The following CHL1 variants were observed in gnomAD, a reference collection of about 807,000 sequenced individuals.
The protein encoded by CHL1 is cell adhesion molecule L1 like.
CHL1 carries 96 observed loss-of-function variants against 141.9 expected under a neutral mutation model. The observed-to-expected ratio is 0.68, with a 90% confidence interval of 0.57 to 0.80. The LOEUF (loss-of-function observed/expected upper bound fraction) is 0.80, where lower values mean the gene tolerates loss of function less well. Ranked by LOEUF, CHL1 falls within the 30% of genes least tolerant of loss-of-function variation. The pLI is 0.00. For synonymous variants in CHL1, 613 were observed against 502.2 expected, an observed-to-expected ratio of 1.22 and a Z score of -2.95; for missense variants, 1,820 against 1,457.2, an observed-to-expected ratio of 1.25 and a Z score of -4.05.
At chr3:270,847 T>C (rs1173943593) in intron 2 of CHL1, among the ~76,000 whole-genome samples, 1 of 152,220 alleles carries the variant, frequency 6.6e-6, no homozygotes, top group Admixed American at 6.5e-5. Flanking sequence ...GCTGGAGCTG[T>C]GGACTTGAGG....
intron 2 of CHL1, among the ~76,000 whole-genome samples, chr3:274,686 T>C (rs1383470798): frequency 6.6e-6 from 1 of 152,206 alleles, no homozygotes; most frequent in Non-Finnish European, 1.5e-5. Context: ...AACAGGATAA[T>C]TTTTACCATT....
At chr3:351,744 T>C (rs1171950669) in intron 10 of CHL1, among the ~76,000 whole-genome samples, 28 of 152,132 alleles carry the variant, frequency 1.8e-4, no homozygotes, top group Admixed American at 1.8e-3. Flanking sequence ...CCAAACATAA[T>C]ATAATCAAAT....
intron 2 of CHL1, chr3:309,392 C>CTTCCTTCCTTCCTTCCTTCCTTCCT (rs142838718): frequency 4.5e-5 from 6 of 134,054 alleles, no homozygotes; most frequent in African/African-American, 2.0e-4. Flanking sequence ...TCCTTCCTTC[C>CTTCCTTCCTTCCTTCCTTCCTTCCT]TCCTTCCTTC....
At chr3:361,308 T>A (rs930752519) in intron 12 of CHL1, among the ~76,000 whole-genome samples, 1 of 144,962 alleles carries the variant, frequency 6.9e-6, no homozygotes, top group East Asian at 2.0e-4. Flanking sequence ...GACATAGGCA[T>A]GGGCAAGGAC....
chr3:197,105 C>G (rs1016800299), intron 1 of CHL1, 42 bp downstream of exon 1: 1 of 150,804 alleles, frequency 6.6e-6, no homozygotes, highest in Non-Finnish European at 1.5e-5. Context: ...CTCGTGCCGG[C>G]GCTGGGGGGG....
At chr3:302,295 G>A (rs1443843588) in intron 2 of CHL1, among the ~76,000 whole-genome samples, 1 of 152,198 alleles carries the variant, frequency 6.6e-6, no homozygotes, top group African/African-American at 2.4e-5. Flanking sequence ...GGTATTTCTA[G>A]TTCTGCATCC....
intron 2 of CHL1, among the ~76,000 whole-genome samples, chr3:297,085 G>C (rs896136958): frequency 6.6e-6 from 1 of 152,100 alleles, no homozygotes; most frequent in Non-Finnish European, 1.5e-5. Context: ...AGATAGCCAG[G>C]CATGGTGGTG....
chr3:354,844 T>G, intron 11 of CHL1, 73 bp downstream of exon 11: 1 of 1,560,386 alleles, frequency 6.4e-7, no homozygotes, highest in Non-Finnish European at 8.7e-7. Flanking sequence ...GTCAGACGTG[T>G]GTAAAATGAA....
Position 283,928 on chromosome 3 carries a change from T to C in CHL1, c.-94-35755T>C, listed in dbSNP as rs188908676. Reference sequence around the variant, plus strand: ...TAAAATAAATGTTAACAATGACTAATAGTAGGGAATTTATCAGATGAATGA... The same window carrying C: ...TAAAATAAATGTTAACAATGACTAACAGTAGGGAATTTATCAGATGAATGA... On this transcript the variant is annotated intron_variant, in intron 2 of 27. Transcript: ENST00000256509. Among the ~76,000 whole-genome samples the C allele has an allele frequency of 1.4e-3, 218 of 152,306 alleles. 3 individuals are homozygous for C. Among genetic ancestry groups the C allele is most frequent in the Non-Finnish European group, 8.1e-4 (55 of 68,014 alleles).
At chr3:200,868 A>T (rs1244778955) in intron 1 of CHL1, among the ~76,000 whole-genome samples, 1 of 152,162 alleles carries the variant, frequency 6.6e-6, no homozygotes, top group East Asian at 1.9e-4. Context: ...CTGAGGAAAG[A>T]TTGTATTTTC....
At chr3:356,390 C>A (rs1703718234) in intron 11 of CHL1, among the ~76,000 whole-genome samples, 1 of 152,166 alleles carries the variant, frequency 6.6e-6, no homozygotes, top group Admixed American at 6.5e-5. Flanking sequence ...TCATATTTAA[C>A]TGATTCGTTC....
At chr3:319,941 G>A (rs1427715772) in intron 3 of CHL1, 74 bp downstream of exon 3, 7 of 785,232 alleles carry the variant, frequency 8.9e-6, no homozygotes, top group African/African-American at 3.6e-5. Flanking sequence ...GAATACTTAT[G>A]GATTGAGGAT....
intron 2 of CHL1, among the ~76,000 whole-genome samples, chr3:271,398 C>T (rs563791291): frequency 6.6e-6 from 1 of 152,164 alleles, no homozygotes; most frequent in African/African-American, 2.4e-5. Context: ...GTGATTACAC[C>T]ACTGCACTCC....
chr3:226,396 TA>T (rs1474951402), intron 1 of CHL1, among the ~76,000 whole-genome samples: 10 of 147,054 alleles, frequency 6.8e-5, no homozygotes, highest in African/African-American at 2.5e-4. Flanking sequence ...ACTTATATAT[TA>T]TATAATATAT....
chr3:208,736 G>A (rs191202230), intron 1 of CHL1, among the ~76,000 whole-genome samples: 4 of 152,292 alleles, frequency 2.6e-5, no homozygotes, highest in East Asian at 1.9e-4. Flanking sequence ...TCCTAAAACC[G>A]AAGTGGAAAA....
intron 19 of CHL1, among the ~76,000 whole-genome samples, chr3:386,717 C>T (rs1240844020): frequency 1.3e-5 from 2 of 151,982 alleles, no homozygotes; most frequent in African/African-American, 4.8e-5. Flanking sequence ...TAATCGCATC[C>T]AAGATAGTTA....
chr3:250,644 G>A (rs563234454), intron 2 of CHL1, among the ~76,000 whole-genome samples: 2 of 152,236 alleles, frequency 1.3e-5, no homozygotes, highest in East Asian at 3.9e-4. Context: ...TTCTGTGTTT[G>A]CTGCTTGCTG....
intron 2 of CHL1, among the ~76,000 whole-genome samples, chr3:288,165 C>A (rs1474086434): frequency 6.6e-6 from 1 of 152,084 alleles, no homozygotes. Flanking sequence ...TTTAAGGTGA[C>A]CAAGTTTATA....
chr3:303,841 G>A (rs1337393436), intron 2 of CHL1, among the ~76,000 whole-genome samples: 13 of 152,154 alleles, frequency 8.5e-5, no homozygotes, highest in Non-Finnish European at 1.9e-4. Flanking sequence ...TGCCCATTCA[G>A]TATGATATTG....
Sources: gnomAD v4.1 joint callset for allele counts (sites outside exome capture counted in the v4.1 genomes callset) on GRCh38, gnomAD v4.1.1 for gene constraint, MANE v1.5 for transcripts, NCBI Gene and HGNC (gene_info 2026-07-23, HGNC 2026-07-21) for gene names.